EFCAB6: variants seen among roughly 807,000 people sequenced by gnomAD.
EFCAB6 encodes EF-hand calcium binding domain 6.
In EFCAB6, 156 loss-of-function variants were observed where a neutral mutation model predicts 169.8. The ratio of observed to expected loss-of-function variants is 0.92; its 90% CI spans 0.81 to 1.05. EFCAB6 has a LOEUF of 1.05. EFCAB6 is among the 50% of genes least tolerant of loss of function. The pLI, the probability that EFCAB6 is intolerant of heterozygous loss-of-function variation, is 0.00. For synonymous variants in EFCAB6, 698 were observed against 676.4 expected (o/e 1.03, Z -0.50); for missense variants, 1,800 against 1,829.1 (o/e 0.98, Z 0.29).
rs754941119 is a variant in EFCAB6 at position 43,528,837 on chromosome 22, C to T, written c.*16G>A. 1 of 1,583,780 alleles carries T rather than the reference C, an allele frequency of 6.3e-7. No homozygotes were observed. The highest frequency in any genetic ancestry group is 8.7e-7 in the Non-Finnish European group (1 of 1,155,954). ...GCCCTGTGGCTGTCGTCCCGCTGGG[C>T]ACACAGCAGGGGTGTCTACTGGAGG... On this transcript the variant is annotated 3_prime_UTR_variant, in exon 32 of 32. Transcript: ENST00000262726.
At chr22:43,751,662 A>G (rs921122763) in intron 6 of EFCAB6, among the ~76,000 whole-genome samples, 1 of 152,232 alleles carries the variant, frequency 6.6e-6, no homozygotes, top group African/African-American at 2.4e-5. Context: ...TAGATGCTCC[A>G]TGGACAGAAA....
intron 6 of EFCAB6, among the ~76,000 whole-genome samples, chr22:43,751,714 C>T (rs945448975): frequency 3.9e-5 from 6 of 152,196 alleles, no homozygotes; most frequent in East Asian, 1.9e-4. Context: ...CCGACTTGTG[C>T]GGTGATGATG....
chr22:43,601,299 C>A (rs2052506103), intron 22 of EFCAB6, among the ~76,000 whole-genome samples: 1 of 152,150 alleles, frequency 6.6e-6, no homozygotes, highest in Non-Finnish European at 1.5e-5. Flanking sequence ...AGAATTACTT[C>A]AATAAAAATT....
intron 11 of EFCAB6, 133 bp from the exon 12 acceptor site, chr22:43,683,988 G>C: frequency 1.5e-6 from 1 of 661,450 alleles, no homozygotes. Context: ...TTTCCTGACA[G>C]TGTGCTGCAC....
chr22:43,770,222 G>A (rs1383488154), intron 4 of EFCAB6, among the ~76,000 whole-genome samples: 2 of 152,022 alleles, frequency 1.3e-5, no homozygotes, highest in Non-Finnish European at 2.9e-5. Flanking sequence ...GGCTGGTCTT[G>A]AACTCCTTGG....
chr22:43,730,225 G>GGGCAGGAGGGAAGGAT (rs1168501415), intron 8 of EFCAB6, among the ~76,000 whole-genome samples: 1 of 123,170 alleles, frequency 8.1e-6, no homozygotes, highest in Non-Finnish European at 1.7e-5. Context: ...AGGAAAAGGA[G>GGGCAGGAGGGAAGGAT]GGCAGGAGGG....
chr22:43,701,994 T>G (rs2058783064), intron 10 of EFCAB6, among the ~76,000 whole-genome samples: 1 of 152,046 alleles, frequency 6.6e-6, no homozygotes, highest in Non-Finnish European at 1.5e-5. Context: ...GGTGACAAAA[T>G]TAAATTAACC....
At chr22:43,589,820 A>C (rs185922210) in intron 24 of EFCAB6, among the ~76,000 whole-genome samples, 67 of 152,170 alleles carry the variant, frequency 4.4e-4, no homozygotes, top group Admixed American at 3.5e-3. Flanking sequence ...AACAAAAAAA[A>C]CCCCACTGAT....
chr22:43,789,955 G>A (rs371800990), intron 2 of EFCAB6, among the ~76,000 whole-genome samples: 7 of 152,064 alleles, frequency 4.6e-5, no homozygotes, highest in Non-Finnish European at 1.0e-4. Context: ...ATAGATGGAT[G>A]TGGATGGCAC....
chr22:43,545,409 G>T (rs1163576216), intron 27 of EFCAB6, among the ~76,000 whole-genome samples: 1 of 152,192 alleles, frequency 6.6e-6, no homozygotes, highest in Non-Finnish European at 1.5e-5. Flanking sequence ...ACACCCAGTT[G>T]ATGGATACAT....
chr22:43,764,511 A>G (rs1045806297), intron 5 of EFCAB6, among the ~76,000 whole-genome samples: 1 of 152,160 alleles, frequency 6.6e-6, no homozygotes, highest in African/African-American at 2.4e-5. Context: ...ATATGAGTGC[A>G]TGTGTCTTTT....
chr22:43,690,075 C>T (rs189145849), intron 10 of EFCAB6, among the ~76,000 whole-genome samples: 74 of 152,308 alleles, frequency 4.9e-4, no homozygotes, highest in African/African-American at 1.6e-3. Flanking sequence ...CAGATATCCA[C>T]CCATTCACAC....
chr22:43,776,444 G>A (rs1475056632), intron 3 of EFCAB6, among the ~76,000 whole-genome samples: 1 of 152,186 alleles, frequency 6.6e-6, no homozygotes, highest in Admixed American at 6.5e-5. Flanking sequence ...ATAGGGTCAT[G>A]GCGCACAGTG....
At chr22:43,561,306 G>A (rs1195470947) in intron 26 of EFCAB6, among the ~76,000 whole-genome samples, 2 of 151,244 alleles carry the variant, frequency 1.3e-5, no homozygotes, top group Admixed American at 6.6e-5. Flanking sequence ...GCAGTGAGCC[G>A]AGATCGTGCT....
chr22:43,625,496 G>C (rs951718778), intron 20 of EFCAB6, among the ~76,000 whole-genome samples: 1 of 152,230 alleles, frequency 6.6e-6, no homozygotes, highest in Non-Finnish European at 1.5e-5. Flanking sequence ...GTGATCCCCT[G>C]CTGCCACTGT....
chr22:43,661,517 G>A (rs1195252100), intron 17 of EFCAB6, among the ~76,000 whole-genome samples: 1 of 152,218 alleles, frequency 6.6e-6, no homozygotes, highest in Non-Finnish European at 1.5e-5. Flanking sequence ...AGGGTTTCCT[G>A]GGAGAGGGAA....
Position 43,773,091 on chromosome 22 carries a change from G to C in EFCAB6, c.152C>G (p.Ala51Gly), listed in dbSNP as rs760867727. 3 of 1,614,190 alleles carry C rather than the reference G, an allele frequency of 1.9e-6. No individual in the cohort carries two copies. Among genetic ancestry groups the C allele is most frequent in the Admixed American group, 1.7e-5 (1 of 60,028 alleles). The change falls in exon 4 of 32, where the codon GCA (alanine) becomes GGA (glycine). Residue 51 changes from alanine to glycine, a missense_variant. Coordinates refer to ENST00000262726, the MANE Select transcript of EFCAB6 (RefSeq NM_022785.4). ...KFRSSSTTAV[A>G]NPTLSSLDVK... is the part of the protein sequence containing the mutation. ...ATCTAAGGAGGACAGTGTTGGATTTGCAACAGCTGTGGCTATAAAAGAGAT... is the reference window on the plus strand; with the variant it reads ...ATCTAAGGAGGACAGTGTTGGATTTCCAACAGCTGTGGCTATAAAAGAGAT...
At chr22:43,674,237 A>G (rs1186955554) in intron 13 of EFCAB6, among the ~76,000 whole-genome samples, 1 of 152,208 alleles carries the variant, frequency 6.6e-6, no homozygotes, top group Non-Finnish European at 1.5e-5. Flanking sequence ...CCTATTGCAC[A>G]TCTATGTTTT....
chr22:43,544,865 G>A (rs1301139761), intron 27 of EFCAB6, among the ~76,000 whole-genome samples: 2 of 152,182 alleles, frequency 1.3e-5, no homozygotes, highest in Admixed American at 1.3e-4. Context: ...GGTCACACCT[G>A]TAATCCCAGC....
Sources: allele counts gnomAD v4.1 joint callset (sites outside exome capture counted in the v4.1 genomes callset), GRCh38; gene constraint gnomAD v4.1.1; transcripts MANE v1.5; gene names NCBI Gene and HGNC (gene_info 2026-07-23, HGNC 2026-07-21).